Variants in ERICH3 observed in about 807,000 individuals in gnomAD.
ERICH3 encodes glutamate-rich protein 3.
A neutral mutation model predicts 131.1 loss-of-function variants in ERICH3; 126 were observed. That is an observed-to-expected ratio of 0.96 (90% CI 0.83 to 1.11). The LOEUF (loss-of-function observed/expected upper bound fraction) is 1.11, where lower values mean the gene tolerates loss of function less well. Ranked by LOEUF, ERICH3 falls within the 50% of genes most tolerant of loss-of-function variation. The pLI, the probability that ERICH3 is intolerant of heterozygous loss-of-function variation, is 0.00. For missense variants in ERICH3, 2,050 were observed against 1,810.7 expected (o/e 1.13, Z -2.40); for synonymous variants, 695 against 644.6 (o/e 1.08, Z -1.18).
chr1:74,574,423 T>C (rs559040155), intron 13 of ERICH3, among the ~76,000 whole-genome samples: 1 of 152,300 alleles, frequency 6.6e-6, no homozygotes, highest in South Asian at 2.1e-4. Context: ...AGCTACTATA[T>C]CTAGATTTAG....
At chr1:74,582,396 C>T (rs897165545) in intron 12 of ERICH3, among the ~76,000 whole-genome samples, 1 of 152,030 alleles carries the variant, frequency 6.6e-6, no homozygotes, top group African/African-American at 2.4e-5. Flanking sequence ...GATATAAAAA[C>T]ACACTTTTTA....
At chr1:74,637,618 A>G (rs1006114057) in intron 5 of ERICH3, among the ~76,000 whole-genome samples, 6 of 152,282 alleles carry the variant, frequency 3.9e-5, no homozygotes, top group African/African-American at 1.4e-4. Context: ...TTGTTAGTTT[A>G]GTATAAAGAT....
chr1:74,590,328 A>C (rs1282805479), intron 11 of ERICH3, among the ~76,000 whole-genome samples: 1 of 152,150 alleles, frequency 6.6e-6, no homozygotes, highest in East Asian at 1.9e-4. Flanking sequence ...ATTCAAGTGC[A>C]TTACATTTAT....
rs1346604855 is a variant in ERICH3 at position 74,649,291 on chromosome 1, A to G, written c.48T>C (p.Leu16=). The change falls in exon 2 of 15, where the codon CTT becomes CTC. Residue 16 remains leucine, a synonymous_variant. Coordinates refer to ENST00000326665, the MANE Select transcript of ERICH3 (RefSeq NM_001002912.5). ...PAGLLAAYNS[L]MDKHLAGYFN... ...AATACCCAGCCAGGTGTTTATCCAT[A>G]AGGCTATTATATGCAGCAAGTAACC... 1.2e-6 allele frequency: 2 copies of G among 1,612,222 alleles called. No individual in the cohort carries two copies. The highest frequency in any genetic ancestry group is 1.7e-6 in the Non-Finnish European group (2 of 1,179,050).
chr1:74,581,039 A>T (rs985347969), intron 12 of ERICH3, among the ~76,000 whole-genome samples: 1 of 152,142 alleles, frequency 6.6e-6, no homozygotes, highest in Non-Finnish European at 1.5e-5. Flanking sequence ...GTTTTCCTGT[A>T]TAGTCGTATG....
At chr1:74,636,783 G>T (rs61778102) in intron 5 of ERICH3, among the ~76,000 whole-genome samples, 1 of 152,038 alleles carries the variant, frequency 6.6e-6, no homozygotes, top group Non-Finnish European at 1.5e-5. Context: ...TTAATGTTAC[G>T]TTGAATAATG....
At chr1:74,590,143 A>C in intron 11 of ERICH3, 63 bp from the exon 12 acceptor site, 1 of 1,346,626 alleles carries the variant, frequency 7.4e-7, no homozygotes, top group Non-Finnish European at 1.0e-6. Flanking sequence ...TAATTGTAAA[A>C]ATTATGTTAG....
chr1:74,596,485 T>C (rs1216084760), intron 11 of ERICH3, among the ~76,000 whole-genome samples: 1 of 152,114 alleles, frequency 6.6e-6, no homozygotes, highest in East Asian at 1.9e-4. Flanking sequence ...GCGACAATAT[T>C]CAAAATCTTC....
chr1:74,601,523 G>A (rs971153815), intron 10 of ERICH3, among the ~76,000 whole-genome samples: 12 of 151,790 alleles, frequency 7.9e-5, no homozygotes, highest in African/African-American at 2.9e-4. Flanking sequence ...TTTTTAGATA[G>A]GACATATAAT....
At chr1:74,652,824 C>T (rs892007041) in intron 1 of ERICH3, among the ~76,000 whole-genome samples, 4 of 152,160 alleles carry the variant, frequency 2.6e-5, no homozygotes, top group Admixed American at 2.0e-4. Context: ...CAGTCTAACA[C>T]GTTTGTTTCT....
intron 12 of ERICH3, 45 bp downstream of exon 12, chr1:74,589,586 C>T (rs1647485355): frequency 6.4e-7 from 1 of 1,570,902 alleles, no homozygotes; most frequent in Non-Finnish European, 8.7e-7. Context: ...AAATCAGCTT[C>T]CATGCATGAG....
Position 74,571,507 on chromosome 1 carries a change from C to T in ERICH3, c.4203G>A (p.Gly1401=). The change falls in exon 14 of 15, where the codon GGG becomes GGA. Residue 1401 remains glycine, a synonymous_variant. Coordinates refer to ENST00000326665, the MANE Select transcript of ERICH3 (RefSeq NM_001002912.5). ...GTGCTAATTCCTCTACCACCACCTT[C>T]CCTGCAGCTGCTGTTTTTCCTACTA... The part of the protein sequence containing the change: ...DELVGKTAAA[G]KVVVEELARS... 1 of 1,614,174 alleles carries T rather than the reference C, an allele frequency of 6.2e-7. No homozygotes were observed. Among genetic ancestry groups the T allele is most frequent in the Non-Finnish European group, 8.5e-7 (1 of 1,180,024 alleles).
chr1:74,580,912 G>A (rs1338764231), intron 12 of ERICH3, among the ~76,000 whole-genome samples: 6 of 152,030 alleles, frequency 3.9e-5, no homozygotes, highest in Admixed American at 6.6e-5. Flanking sequence ...TTCAATCCAC[G>A]GCCCCCTTTC....
chr1:74,624,500 T>G (rs572726064), intron 7 of ERICH3: 2 of 152,298 alleles, frequency 1.3e-5, no homozygotes, highest in Non-Finnish European at 2.9e-5. Flanking sequence ...TTGCTTTTAG[T>G]ATAGTTACTC....
chr1:74,662,277 G>A (rs923480078), intron 1 of ERICH3, among the ~76,000 whole-genome samples: 1 of 152,016 alleles, frequency 6.6e-6, no homozygotes, highest in African/African-American at 2.4e-5. Context: ...CACTCCCTAA[G>A]GTTTTATTCT....
Position 74,599,936 on chromosome 1 carries a change from A to C in ERICH3, c.1490-5T>G, listed in dbSNP as rs767967464. ...CTTCAAAGTCTTCTTCATACTCTGA[A>C]ATAGGAAAATCTCCACTATAAGAAT... On this transcript the variant is annotated splice_region_variant and splice_polypyrimidine_tract_variant and intron_variant, in intron 10 of 14. Coordinates refer to ENST00000326665, the MANE Select transcript of ERICH3 (RefSeq NM_001002912.5). The C allele has an allele frequency of 1.9e-6, 3 of 1,589,784 alleles. No homozygotes were observed.
intron 1 of ERICH3, among the ~76,000 whole-genome samples, chr1:74,663,746 A>C (rs1646663699): frequency 6.6e-6 from 1 of 152,040 alleles, no homozygotes; most frequent in Admixed American, 6.5e-5. Flanking sequence ...GAAAAAAATA[A>C]AAAAATGTTG....
rs200670755 is a variant in ERICH3, at chr1:74,620,792, A to T, written c.942T>A (p.Tyr314Ter). Residue 314 changes from tyrosine (Y) to a stop codon, truncating the protein, a stop_gained, in exon 8 of 15, where the codon TAT becomes TAA. Coordinates refer to ENST00000326665, the MANE Select transcript of ERICH3 (RefSeq NM_001002912.5). LOFTEE classifies it high-confidence loss of function. ...NPDFRDEIKV[Y>*]QQHCGGENLC... ...GGTTTTCCCCACCACAGTGCTGCTGATAAACTTTAATTTCATCCCGGAAGT... is the reference window on the plus strand; with the variant it reads ...GGTTTTCCCCACCACAGTGCTGCTGTTAAACTTTAATTTCATCCCGGAAGT... The T allele has an allele frequency of 6.2e-6, 10 of 1,613,584 alleles. No individual in the cohort carries two copies. The highest frequency in any genetic ancestry group is 3.3e-5 in the Admixed American group (2 of 59,956).
At chr1:74,601,665 A>T (rs1347813869) in intron 10 of ERICH3, among the ~76,000 whole-genome samples, 1 of 151,830 alleles carries the variant, frequency 6.6e-6, no homozygotes, top group Non-Finnish European at 1.5e-5. Context: ...CATATATCAC[A>T]CTACAGGAGT....
Sources: allele counts gnomAD v4.1 joint callset (sites outside exome capture counted in the v4.1 genomes callset), GRCh38; gene constraint gnomAD v4.1.1; transcripts MANE v1.5; gene names NCBI Gene and HGNC (gene_info 2026-07-23, HGNC 2026-07-21).